SPACA6: variants seen among roughly 807,000 people sequenced by gnomAD.
The protein encoded by SPACA6 is sperm acrosome membrane-associated protein 6.
For synonymous variants in SPACA6, 6 were observed against 1.5 expected, an observed-to-expected ratio of 4.05 and a Z score of -2.21; for missense variants, 8 against 2.8, an observed-to-expected ratio of 2.88 and a Z score of -1.34.
intron 3 of SPACA6, 50 bp from the exon 4 acceptor site, chr19:51,702,579 A>G (rs1600142371): frequency 3.2e-6 from 1 of 308,258 alleles, no homozygotes. Flanking sequence ...GCATCGGGCA[A>G]GGGTTCTTCC....
intron 2 of SPACA6, among the ~76,000 whole-genome samples, chr19:51,700,549 A>G (rs1008088617): frequency 6.6e-6 from 1 of 152,184 alleles, no homozygotes; most frequent in African/African-American, 2.4e-5. Context: ...AATATAACAC[A>G]TCCCAGGGAT....
chr19:51,683,431 G>T, the SPACA6 span, among the ~76,000 whole-genome samples: 1 of 152,074 alleles, frequency 6.6e-6, no homozygotes, highest in African/African-American at 2.4e-5. Context: ...ATATTTGGTG[G>T]GGTGGGGACA....
chr19:51,707,708 C>T (rs948079937), downstream of SPACA6, among the ~76,000 whole-genome samples: 1 of 152,202 alleles, frequency 6.6e-6, no homozygotes, highest in Non-Finnish European at 1.5e-5. Flanking sequence ...CTCAGGCCCA[C>T]AAGACTGCCC....
chr19:51,698,338 C>T (rs897213011), intron 2 of SPACA6, among the ~76,000 whole-genome samples: 1 of 152,142 alleles, frequency 6.6e-6, no homozygotes, highest in African/African-American at 2.4e-5. Context: ...CGCCTTATGG[C>T]CCGCTTGCTA....
At chr19:51,690,771 G>T (rs73054870), upstream of SPACA6, among the ~76,000 whole-genome samples, 1 of 152,068 alleles carries the variant, frequency 6.6e-6, no homozygotes, top group Admixed American at 6.5e-5. Flanking sequence ...ACTGGTTGGC[G>T]GGTGGGGGAG....
chr19:51,706,746 A>C (rs1599785942), downstream of SPACA6, among the ~76,000 whole-genome samples: 1 of 149,030 alleles, frequency 6.7e-6, no homozygotes, highest in South Asian at 2.1e-4. Flanking sequence ...TGCAACCTCC[A>C]CCTCCCGGGT....
rs1202360291 is a variant in SPACA6 at position 51,703,439 on chromosome 19, G to T, written c.573+102G>T. The T allele has an allele frequency of 5.0e-6, 2 of 397,676 alleles. No individual in the cohort carries two copies. Among genetic ancestry groups the T allele is most frequent in the Non-Finnish European group, 8.9e-6 (2 of 225,548 alleles). The allele number at this position is 397,676 out of a possible 1,614,324, so 24.6% of individuals were successfully genotyped here. A position where few individuals can be genotyped will look rare whatever the true frequency, so the allele number is the denominator to read the frequency against. ...CGGGGACGGGACTCCGGGAATCTCC[G>T]TCTAGACACAAGCATCAGCAAGAGG... On this transcript the variant is annotated intron_variant, in intron 6 of 8. Coordinates refer to ENST00000637797, the MANE Select transcript of SPACA6 (RefSeq NM_001316972.2). This position sits in a 1 kb window ranked among gnomAD's most constrained non-coding sequence, Gnocchi z 4.2.
At chr19:51,711,865 C>G (rs963904429) in intron 2 of SPACA6, among the ~76,000 whole-genome samples, 1 of 152,018 alleles carries the variant, frequency 6.6e-6, no homozygotes, top group East Asian at 1.9e-4. Flanking sequence ...GAGCAGCTGC[C>G]CAGGTCTTAG....
At position 51,693,728 on chromosome 19, in the gene SPACA6, G is replaced by T; in HGVS notation, c.202G>T (p.Asp68Tyr). Residue 68 changes from aspartate (D) to tyrosine (Y), a missense_variant, in exon 1 of 9, where the codon GAC (aspartate) becomes TAC (tyrosine). By Grantham distance (160) the Asp-to-Tyr change is radical. Transcript: ENST00000637797. ...AFTAAFQGLS[D>Y]TEINYDERSH... ...CACGGCCGCCTTCCAGGGCCTCTCT[G>T]ACACCGAAATCAGTGAGGAGACCAT... The T allele has an allele frequency of 2.5e-6, 1 of 406,672 alleles. No homozygotes were observed. Among genetic ancestry groups the T allele is most frequent in the South Asian group, 1.2e-4 (1 of 8,390 alleles). 25.2% of individuals were successfully genotyped at this position (406,672 alleles called of 1,614,324 possible). A position where few individuals can be genotyped will look rare whatever the true frequency, so the allele number is the denominator to read the frequency against.
chr19:51,687,257 A>AC (rs1459912214), upstream of SPACA6: 52 of 133,262 alleles, frequency 3.9e-4, no homozygotes, highest in African/African-American at 1.4e-3. Context: ...TCTCAAAAAT[A>AC]AATACATACA....
intron 8 of SPACA6, 66 bp from the exon 9 acceptor site, chr19:51,705,024 G>GC (rs11382950): frequency 1 from 401,239 of 401,244 alleles, 200,617 homozygotes; most frequent in Middle Eastern, 1. Flanking sequence ...TGGTGTCCAG[G>GC]CTCCGGGACC....
At chr19:51,695,278 C>T (rs1432612751) in intron 2 of SPACA6, among the ~76,000 whole-genome samples, 1 of 152,170 alleles carries the variant, frequency 6.6e-6, no homozygotes, top group African/African-American at 2.4e-5. Flanking sequence ...CTGGGGGCCA[C>T]GCAATGCCGA....
At chr19:51,687,263 ATAC>A (rs2083332325), upstream of SPACA6, 3 of 64,478 alleles carry the variant, frequency 4.7e-5, no homozygotes, top group African/African-American at 1.8e-4. Context: ...AAATAAATAC[ATAC>A]ATACATACAT....
At chr19:51,694,403 C>T (rs907160316) in intron 1 of SPACA6, 75 bp from the exon 2 acceptor site, 1 of 399,156 alleles carries the variant, frequency 2.5e-6, no homozygotes, top group African/African-American at 2.1e-5. Context: ...GACTCAGAAA[C>T]AGAATGTTCG....
downstream of SPACA6, among the ~76,000 whole-genome samples, chr19:51,708,021 C>T (rs1355118235): frequency 6.6e-6 from 1 of 152,184 alleles, no homozygotes; most frequent in East Asian, 1.9e-4. Context: ...GTTCTGGAGG[C>T]TGCACCATGT....
At chr19:51,691,740 C>A, upstream of SPACA6, among the ~76,000 whole-genome samples, 1 of 151,738 alleles carries the variant, frequency 6.6e-6, no homozygotes, top group Non-Finnish European at 1.5e-5. Flanking sequence ...GCAGCGAGAA[C>A]CAGACAGTCC....
At chr19:51,706,957 A>G (rs1252876662), downstream of SPACA6, among the ~76,000 whole-genome samples, 9 of 152,220 alleles carry the variant, frequency 5.9e-5, 1 homozygote, top group African/African-American at 2.2e-4. Flanking sequence ...CACCGCTCCC[A>G]GCCGTTAACT....
intron 2 of SPACA6, among the ~76,000 whole-genome samples, chr19:51,696,168 G>A (rs1445403423): frequency 1.3e-5 from 2 of 152,130 alleles, no homozygotes; most frequent in Non-Finnish European, 2.9e-5. Context: ...AGCTCTGGGT[G>A]TAGAAAGAAC....
chr19:51,704,821 C>T (rs2083503532), intron 8 of SPACA6: 2 of 376,724 alleles, frequency 5.3e-6, no homozygotes, highest in East Asian at 3.9e-5. Context: ...CCCCTCCTCC[C>T]GCAGATCCAA....
Sources: allele counts gnomAD v4.1 joint callset (sites outside exome capture counted in the v4.1 genomes callset), GRCh38; gene constraint gnomAD v4.1.1; non-coding constraint Gnocchi (gnomAD v3.1); transcripts MANE v1.5; gene names NCBI Gene and HGNC (gene_info 2026-07-23, HGNC 2026-07-21).